BANP: variants seen among roughly 807,000 people sequenced by gnomAD.
BANP encodes BTG3 associated nuclear protein.
In BANP, 11 loss-of-function variants were observed where a neutral mutation model predicts 68.1. That is an observed-to-expected ratio of 0.16 (90% confidence interval 0.10 to 0.27). The LOEUF (loss-of-function observed/expected upper bound fraction) is 0.27. BANP is among the 10% of genes least tolerant of loss of function. The pLI is 1.00. For synonymous variants in BANP, 329 were observed against 303.2 expected (o/e 1.09, Z -0.88); for missense variants, 504 against 722.7 (o/e 0.70, Z 3.47).
intron 11 of BANP, among the ~76,000 whole-genome samples, chr16:88,060,271 C>T (rs1395130327): frequency 6.6e-6 from 1 of 152,250 alleles, no homozygotes; most frequent in Non-Finnish European, 1.5e-5. Context: ...GCCCACCTGA[C>T]GAGGGGTCTC....
intron 4 of BANP, among the ~76,000 whole-genome samples, chr16:88,001,836 T>C (rs2069446018): frequency 6.6e-6 from 1 of 151,998 alleles, no homozygotes; most frequent in Non-Finnish European, 1.5e-5. Context: ...CTGGCTGTCG[T>C]ATGCATTTGC....
intron 12 of BANP, among the ~76,000 whole-genome samples, chr16:88,069,429 C>T (rs1290756820): frequency 6.6e-6 from 1 of 152,226 alleles, no homozygotes; most frequent in African/African-American, 2.4e-5. Flanking sequence ...GGCCTACGCC[C>T]GAGCCCTCCC....
chr16:88,032,492 G>A (rs1405735100), intron 8 of BANP, among the ~76,000 whole-genome samples: 5 of 152,180 alleles, frequency 3.3e-5, no homozygotes, highest in Admixed American at 2.0e-4. Context: ...GTGAGCCACC[G>A]TGTCCGGACT....
At chr16:87,989,344 G>T (rs535431277) in intron 4 of BANP, among the ~76,000 whole-genome samples, 16 of 152,326 alleles carry the variant, frequency 1.1e-4, no homozygotes, top group Admixed American at 9.1e-4. Flanking sequence ...AAAGATGTTT[G>T]GGCCTGTCCT....
intron 11 of BANP, among the ~76,000 whole-genome samples, chr16:88,045,952 G>C (rs988761221): frequency 6.6e-6 from 1 of 152,230 alleles, no homozygotes; most frequent in African/African-American, 2.4e-5. Flanking sequence ...GCTTCGCTGG[G>C]CGCACACGGC....
At position 87,966,066 on chromosome 16, in the gene BANP, A is replaced by G. The variant is rs534026506; in HGVS notation, c.-68-8982A>G. Reference sequence around the variant, plus strand: ...GCAGAATTGGGATCATATCATCCGCACCGCTGTGCAGCTTTCCATTTGTAT... The same window carrying G: ...GCAGAATTGGGATCATATCATCCGCGCCGCTGTGCAGCTTTCCATTTGTAT... On this transcript the variant is annotated intron_variant, in intron 1 of 13. Transcript: ENST00000682872. Among the ~76,000 whole-genome samples the G allele has an allele frequency of 9.8e-5, 15 of 152,294 alleles. No homozygotes were observed. The South Asian group carries it at 2.3e-3, about 23-fold the overall frequency.
At chr16:88,053,490 C>A in intron 11 of BANP, among the ~76,000 whole-genome samples, 1 of 148,432 alleles carries the variant, frequency 6.7e-6, no homozygotes, top group Non-Finnish European at 1.5e-5. Flanking sequence ...TCACCACCAC[C>A]TCTACTGTCA....
At chr16:88,055,499 C>T (rs575110322) in intron 11 of BANP, among the ~76,000 whole-genome samples, 53 of 152,232 alleles carry the variant, frequency 3.5e-4, no homozygotes, top group African/African-American at 1.2e-3. Flanking sequence ...CCTGATACTT[C>T]GCTTAAGAGT....
intron 1 of BANP, among the ~76,000 whole-genome samples, chr16:87,951,823 GGGCCTCGCCCCGC>G (rs1228913102): frequency 6.6e-6 from 1 of 151,914 alleles, no homozygotes; most frequent in Non-Finnish European, 1.5e-5. Context: ...CCTCTGTCCC[GGGCCTCGCCCCGC>G]GGGAAGGACC....
intron 1 of BANP, among the ~76,000 whole-genome samples, chr16:87,953,042 A>G (rs747839659): frequency 5.9e-5 from 9 of 152,152 alleles, no homozygotes; most frequent in Non-Finnish European, 8.8e-5. Flanking sequence ...GCGTGGGGGC[A>G]GCTCAACATC....
rs1364547249 is a variant in BANP, at chr16:88,071,917, C to T, written c.1378-152C>T. ...AGAGCGATGGGGAGACAGGATGTGC[C>T]GCAGAGTCCTCGGTGTGGCCCTGAG... is the stretch of plus-strand genomic sequence containing the variant. On this transcript the variant is annotated intron_variant, in intron 12 of 13. Coordinates refer to ENST00000682872, the MANE Select transcript of BANP (RefSeq NM_001386991.1). The surrounding 1 kb of genome is among the most constrained non-coding windows in gnomAD (Gnocchi z 6.5). 8 of 982,570 alleles carry T rather than the reference C, an allele frequency of 8.1e-6. No homozygotes were observed. Among genetic ancestry groups the T allele is most frequent in the African/African-American group, 1.6e-5 (1 of 61,980 alleles). 60.9% of individuals were successfully genotyped at this position (982,570 alleles called of 1,614,324 possible).
intron 13 of BANP, among the ~76,000 whole-genome samples, chr16:88,073,483 G>A (rs762288631): frequency 1.3e-4 from 20 of 152,228 alleles, no homozygotes; most frequent in Non-Finnish European, 2.8e-4. Context: ...CCACATTGTC[G>A]CCGACCTCAC....
intron 12 of BANP, among the ~76,000 whole-genome samples, chr16:88,067,097 C>T (rs967575624): frequency 6.6e-6 from 1 of 152,240 alleles, no homozygotes; most frequent in South Asian, 2.1e-4. Context: ...ACACACAGCA[C>T]GTGGCGGGAT....
At chr16:87,996,106 C>G (rs1040614082) in intron 4 of BANP, among the ~76,000 whole-genome samples, 14 of 152,330 alleles carry the variant, frequency 9.2e-5, no homozygotes, top group Non-Finnish European at 1.8e-4. Context: ...TGTCTGTTCT[C>G]TGTCCTGTGA....
chr16:87,961,308 G>C (rs1490767032), intron 1 of BANP, among the ~76,000 whole-genome samples: 1 of 152,012 alleles, frequency 6.6e-6, no homozygotes, highest in Non-Finnish European at 1.5e-5. Context: ...GCATCTCCTT[G>C]TAAGGCTGCA....
intron 6 of BANP, among the ~76,000 whole-genome samples, chr16:88,011,579 C>T (rs1462069717): frequency 1.3e-5 from 2 of 152,146 alleles, no homozygotes; most frequent in African/African-American, 2.4e-5. Context: ...GCAGCCCACA[C>T]CAAAAAAGCA....
intron 1 of BANP, among the ~76,000 whole-genome samples, chr16:87,973,768 A>AG (rs1555544111): frequency 2.9e-5 from 3 of 104,934 alleles, no homozygotes; most frequent in Admixed American, 9.8e-5. Flanking sequence ...AAAAAAAAAA[A>AG]AAAAAAGAAA....
intron 6 of BANP, among the ~76,000 whole-genome samples, chr16:88,007,482 C>T (rs1220773421): frequency 1.3e-5 from 2 of 152,232 alleles, no homozygotes; most frequent in Non-Finnish European, 2.9e-5. Context: ...GAGCCGTCTT[C>T]CCCTGAGAGC....
intron 7 of BANP, among the ~76,000 whole-genome samples, chr16:88,022,526 G>A (rs1567783327): frequency 6.6e-6 from 1 of 152,250 alleles, no homozygotes; most frequent in South Asian, 2.1e-4. Context: ...CTAGTGGGAA[G>A]CAGCGGGGGC....
Sources: allele counts gnomAD v4.1 joint callset (sites outside exome capture counted in the v4.1 genomes callset), GRCh38; gene constraint gnomAD v4.1.1; non-coding constraint Gnocchi (gnomAD v3.1); transcripts MANE v1.5; gene names NCBI Gene and HGNC (gene_info 2026-07-23, HGNC 2026-07-21).